Variants in CENPU observed in about 807,000 individuals in gnomAD.
The protein encoded by CENPU is KSHV latent nuclear antigen interacting protein 1.
A neutral mutation model predicts 56.7 loss-of-function variants in CENPU; 46 were observed. That is an observed-to-expected ratio of 0.81 (90% CI 0.64 to 1.04). CENPU has a LOEUF of 1.04. Ranked by LOEUF, CENPU falls within the 50% of genes least tolerant of loss-of-function variation. The pLI, the probability that CENPU is intolerant of heterozygous loss-of-function variation, is 0.00. For missense variants in CENPU, 510 were observed against 490.1 expected, an observed-to-expected ratio of 1.04 and a Z score of -0.38; for synonymous variants, 166 against 163.0, an observed-to-expected ratio of 1.02 and a Z score of -0.14.
At position 184,695,021 on chromosome 4, in the gene CENPU, A is replaced by G; in HGVS notation, c.*267T>C. On this transcript the variant is annotated 3_prime_UTR_variant, in exon 13 of 13. Transcript: ENST00000281453. ...ATCAACTTAATTTTACAAGTTTATT[A>G]TAGCTCATACCTGGGACCGATTAAG... 1 of 542,318 alleles carries G rather than the reference A, an allele frequency of 1.8e-6. No individual in the cohort carries two copies. The highest frequency in any genetic ancestry group is 2.5e-5 in the South Asian group (1 of 40,618). The allele number at this position is 542,318 out of a possible 1,614,324, so 33.6% of individuals were successfully genotyped here.
chr4:184,696,999 GCCT>G (rs10537419), intron 12 of CENPU, among the ~76,000 whole-genome samples: 26,913 of 151,304 alleles, frequency 0.18, 2,665 homozygotes, highest in African/African-American at 0.26. Context: ...TGCCACCTCA[GCCT>G]CCTGAGTAGC....
At position 184,694,134 on chromosome 4, in the gene CENPU, A is replaced by T; in HGVS notation, c.*1154T>A. On this transcript the variant is annotated 3_prime_UTR_variant, in exon 13 of 13. Transcript: ENST00000281453. ...TTTCAATCCATGTTTACGATTTGCT[A>T]AATACTTTAAAATTTAAAGCATGGG... 1.3e-6 allele frequency: 1 copy of T among 747,660 alleles called. No individual in the cohort carries two copies. Among genetic ancestry groups the T allele is most frequent in the Non-Finnish European group, 1.6e-6 (1 of 613,054 alleles). The allele number at this position is 747,660 out of a possible 1,614,324, so 46.3% of individuals were successfully genotyped here.
intron 8 of CENPU, among the ~76,000 whole-genome samples, chr4:184,709,104 T>A (rs1183894758): frequency 6.6e-6 from 1 of 152,078 alleles, no homozygotes; most frequent in East Asian, 1.9e-4. Flanking sequence ...ACAGTTGAAA[T>A]TCAAAGACTG....
In CENPU at chr4:184,694,361, C is replaced by T; in HGVS notation, c.*927G>A. The T allele has an allele frequency of 2.8e-6, 4 of 1,406,220 alleles. No homozygotes were observed. Among genetic ancestry groups the T allele is most frequent in the African/African-American group, 1.4e-5 (1 of 69,458 alleles). The allele number at this position is 1,406,220 out of a possible 1,614,324, so 87.1% of individuals were successfully genotyped here. On this transcript the variant is annotated 3_prime_UTR_variant, in exon 13 of 13. Coordinates refer to ENST00000281453, the MANE Select transcript of CENPU (RefSeq NM_024629.4). Reference sequence around the variant, plus strand: ...GCAGCAACGTTTGAATCAGTGCACTCATTCCCACGGTGAGATATCGGAGAC... The same window carrying T: ...GCAGCAACGTTTGAATCAGTGCACTTATTCCCACGGTGAGATATCGGAGAC...
chr4:184,723,158 G>A (rs564290379), intron 4 of CENPU, among the ~76,000 whole-genome samples: 1 of 152,210 alleles, frequency 6.6e-6, no homozygotes, highest in East Asian at 1.9e-4. Flanking sequence ...CCCATGCTGT[G>A]GAAAGGGTAG....
At chr4:184,713,546 C>T (rs764409658) in intron 6 of CENPU, among the ~76,000 whole-genome samples, 15 of 152,108 alleles carry the variant, frequency 9.9e-5, no homozygotes, top group Non-Finnish European at 2.1e-4. Context: ...ACAATTGTTG[C>T]CTTGATGGAA....
chr4:184,701,871 C>T (rs566580691), intron 10 of CENPU, among the ~76,000 whole-genome samples: 68 of 152,238 alleles, frequency 4.5e-4, no homozygotes, highest in African/African-American at 1.4e-3. Context: ...TTTTGACACT[C>T]GTGCAGCCTT....
intron 7 of CENPU, among the ~76,000 whole-genome samples, chr4:184,710,771 T>C (rs1291751010): frequency 6.6e-6 from 1 of 152,204 alleles, no homozygotes; most frequent in Non-Finnish European, 1.5e-5. Context: ...CAAGAAAATA[T>C]CTGTGAATGC....
chr4:184,729,886 G>A (rs547911343), intron 2 of CENPU, among the ~76,000 whole-genome samples: 5 of 152,206 alleles, frequency 3.3e-5, no homozygotes, highest in African/African-American at 1.2e-4. Flanking sequence ...AAATGTGGAA[G>A]GGTACTATTA....
At chr4:184,709,861 T>C (rs1760863739) in intron 8 of CENPU, among the ~76,000 whole-genome samples, 1 of 150,872 alleles carries the variant, frequency 6.6e-6, no homozygotes, top group Non-Finnish European at 1.5e-5. Flanking sequence ...AGAAGGTTAA[T>C]ACAAAAATAT....
intron 2 of CENPU, among the ~76,000 whole-genome samples, chr4:184,730,550 C>G (rs537239355): frequency 8.0e-6 from 1 of 125,136 alleles, no homozygotes; most frequent in South Asian, 2.3e-4. Flanking sequence ...TTCTAAGACT[C>G]TAAAGAAAAG....
intron 4 of CENPU, among the ~76,000 whole-genome samples, chr4:184,724,748 C>A (rs189368645): frequency 2.6e-5 from 4 of 152,204 alleles, no homozygotes; most frequent in African/African-American, 9.6e-5. Flanking sequence ...CTAGGATAAT[C>A]AGGTGTGAAT....
At chr4:184,722,692 AAAC>A (rs1761321207) in intron 4 of CENPU, among the ~76,000 whole-genome samples, 1 of 144,294 alleles carries the variant, frequency 6.9e-6, no homozygotes, top group South Asian at 2.1e-4. Flanking sequence ...GAACCAGTAA[AAAC>A]AAAACAAAAC....
In CENPU at chr4:184,721,988, C is replaced by T. The variant is rs1579788309; in HGVS notation, c.320+2969G>A. Among the ~76,000 whole-genome samples the T allele has an allele frequency of 3.3e-5, 5 of 152,304 alleles. No homozygotes were observed. The East Asian group carries it at 9.6e-4, about 29-fold the overall frequency. Reference sequence around the variant, plus strand: ...ATGGATCACTCTCAAGTACAGACCACGTGATAGGTCACAAAACAAGTCTTA... The same window carrying T: ...ATGGATCACTCTCAAGTACAGACCATGTGATAGGTCACAAAACAAGTCTTA... On this transcript the variant is annotated intron_variant, in intron 4 of 12. Coordinates refer to ENST00000281453, the MANE Select transcript of CENPU (RefSeq NM_024629.4).
At position 184,710,116 on chromosome 4, in the gene CENPU, C is replaced by A. The variant is rs780418858; in HGVS notation, c.753G>T (p.Leu251Phe). 38 of 1,611,824 alleles carry A rather than the reference C, an allele frequency of 2.4e-5. 1 individual carries two copies. In the South Asian group the frequency reaches 4.2e-4, roughly 18 times the overall value. Residue 251 changes from leucine (L) to phenylalanine (F), a missense_variant, in exon 8 of 13, where the codon TTG (leucine) becomes TTT (phenylalanine). By Grantham distance (22) the Leu-to-Phe change is conservative. Transcript: ENST00000281453. The part of the protein sequence containing the change: ...EGMKTSDIKE[L>F]NIVLPEFEKT... ...TCTCAAATTCAGGCAAAACAATATT[C>A]AACTCCTTGATGTCACTGGTTTTCA... is the stretch of plus-strand genomic sequence containing the variant.
chr4:184,703,940 T>C (rs1451738300), intron 8 of CENPU, among the ~76,000 whole-genome samples: 2 of 151,864 alleles, frequency 1.3e-5, no homozygotes, highest in Non-Finnish European at 2.9e-5. Context: ...GCACAATGCA[T>C]TATGCACATA....
In CENPU at chr4:184,694,758, T is replaced by C. The variant is rs1026058361; in HGVS notation, c.*530A>G. On this transcript the variant is annotated 3_prime_UTR_variant, in exon 13 of 13. Coordinates refer to ENST00000281453, the MANE Select transcript of CENPU (RefSeq NM_024629.4). ...TGGATGAAATTCCTGATGAACTAAT[T>C]ATAGAAGTATTACAAGAGTAACTAA... 1 of 1,611,384 alleles carries C rather than the reference T, an allele frequency of 6.2e-7. No homozygotes were observed. The highest frequency in any genetic ancestry group is 8.5e-7 in the Non-Finnish European group (1 of 1,177,516).
chr4:184,713,017 CAAAA>C lies in CENPU; in HGVS notation c.619-8_619-5del. 1.6e-6 allele frequency: 2 copies of C among 1,279,800 alleles called. No homozygotes were observed. The highest frequency in any genetic ancestry group is 2.1e-6 in the Non-Finnish European group (2 of 938,096). 79.3% of individuals were successfully genotyped at this position (1,279,800 alleles called of 1,614,324 possible). A position where few individuals can be genotyped will look rare whatever the true frequency, so the allele number is the denominator to read the frequency against. On this transcript the variant is annotated splice_region_variant and splice_polypyrimidine_tract_variant and intron_variant, in intron 6 of 12. Coordinates refer to ENST00000281453, the MANE Select transcript of CENPU (RefSeq NM_024629.4). ...TCTTCCCTTTTTTCTGAGTTTTCTA[CAAAA>C]AAAAAAAGCATTAAGTTTTTAAGAA...
At chr4:184,698,447 GT>G (rs1185945059) in intron 11 of CENPU, 1 of 152,080 alleles carries the variant, frequency 6.6e-6, no homozygotes, top group Non-Finnish European at 1.5e-5. Flanking sequence ...TCATAAAAAC[GT>G]CTTTTTTGTT....
Sources: gnomAD v4.1 joint callset for allele counts (sites outside exome capture counted in the v4.1 genomes callset) on GRCh38, gnomAD v4.1.1 for gene constraint, MANE v1.5 for transcripts, NCBI Gene and HGNC (gene_info 2026-07-23, HGNC 2026-07-21) for gene names.